ITPR2: variants seen among roughly 807,000 people sequenced by gnomAD.
The protein encoded by ITPR2 is inositol 1,4,5-trisphosphate-gated calcium channel ITPR2.
ITPR2 carries 207 observed loss-of-function variants against 317.1 expected under a neutral mutation model. The observed-to-expected ratio is 0.65, with a 90% CI of 0.58 to 0.73. The LOEUF (loss-of-function observed/expected upper bound fraction) is 0.73. Ranked by LOEUF, ITPR2 falls within the 30% of genes least tolerant of loss-of-function variation. The probability of loss-of-function intolerance (pLI) is 0.00; values close to 1 mark genes in which losing one functional copy is unlikely to be tolerated. For missense variants in ITPR2, 2,613 were observed against 3,284.0 expected, an observed-to-expected ratio of 0.80 and a Z score of 4.99; for synonymous variants, 1,156 against 1,149.1, an observed-to-expected ratio of 1.01 and a Z score of -0.12.
chr12:26,392,671 G>T (rs999722108), intron 54 of ITPR2, among the ~76,000 whole-genome samples: 1 of 152,316 alleles, frequency 6.6e-6, no homozygotes, highest in Admixed American at 6.5e-5. Flanking sequence ...AAACTTGAAC[G>T]GGCTTGATGT....
intron 34 of ITPR2, among the ~76,000 whole-genome samples, chr12:26,567,604 T>C (rs984964537): frequency 6.6e-6 from 1 of 152,094 alleles, no homozygotes; most frequent in South Asian, 2.1e-4. Context: ...AAAAAGATTT[T>C]TTGAGTCAAA....
chr12:26,486,001 C>A, intron 41 of ITPR2, 103 bp downstream of exon 41: 2 of 1,263,266 alleles, frequency 1.6e-6, no homozygotes, highest in Non-Finnish European at 2.2e-6. Flanking sequence ...TATTGATTAT[C>A]TTTCTAAAAT....
chr12:26,369,143 T>G (rs747985017), intron 55 of ITPR2, among the ~76,000 whole-genome samples: 63 of 152,148 alleles, frequency 4.1e-4, no homozygotes, highest in Non-Finnish European at 7.8e-4. Context: ...CTGGAGCCTA[T>G]GAATGGGAGG....
At chr12:26,353,958 C>T (rs1415006367) in intron 55 of ITPR2, among the ~76,000 whole-genome samples, 2 of 152,106 alleles carry the variant, frequency 1.3e-5, no homozygotes, top group African/African-American at 4.8e-5. Context: ...AATGCAACAA[C>T]AAAAATGCAA....
chr12:26,496,956 AAG>A (rs1942946753), intron 37 of ITPR2, among the ~76,000 whole-genome samples: 1 of 151,360 alleles, frequency 6.6e-6, no homozygotes, highest in Non-Finnish European at 1.5e-5. Flanking sequence ...AAAAAAAAAA[AAG>A]AAGATCACAC....
chr12:26,514,410 T>C (rs1004521399), intron 37 of ITPR2, among the ~76,000 whole-genome samples: 2 of 152,246 alleles, frequency 1.3e-5, no homozygotes, highest in African/African-American at 4.8e-5. Context: ...AAGAAATCCA[T>C]ACAAAAAGAT....
chr12:26,504,572 T>C (rs370219665), intron 37 of ITPR2, among the ~76,000 whole-genome samples: 4 of 152,110 alleles, frequency 2.6e-5, no homozygotes, highest in Non-Finnish European at 5.9e-5. Context: ...ACCCAATAAA[T>C]TGACAAAAAT....
At chr12:26,373,851 G>A (rs1939259178) in intron 55 of ITPR2, 1 of 152,192 alleles carries the variant, frequency 6.6e-6, no homozygotes, top group African/African-American at 2.4e-5. Context: ...TTCACTTGAA[G>A]GAGCCCAAAA....
At chr12:26,768,198 A>T (rs1949758251) in intron 2 of ITPR2, among the ~76,000 whole-genome samples, 1 of 147,896 alleles carries the variant, frequency 6.8e-6, no homozygotes, top group Non-Finnish European at 1.5e-5. Flanking sequence ...TATGTAACAA[A>T]CCTGCATATT....
intron 13 of ITPR2, among the ~76,000 whole-genome samples, chr12:26,677,136 TAGAGA>T (rs1348813952): frequency 6.6e-6 from 1 of 152,022 alleles, no homozygotes; most frequent in Non-Finnish European, 1.5e-5. Context: ...TCTAAATCAG[TAGAGA>T]AAACAGTAAA....
intron 55 of ITPR2, among the ~76,000 whole-genome samples, chr12:26,340,941 T>C (rs1938091286): frequency 6.6e-6 from 1 of 152,142 alleles, no homozygotes; most frequent in Non-Finnish European, 1.5e-5. Context: ...CACAGGGCAA[T>C]AGCTGGTTCC....
At chr12:26,623,489 G>A (rs1042159591) in intron 24 of ITPR2, 2 of 152,136 alleles carry the variant, frequency 1.3e-5, no homozygotes, top group Non-Finnish European at 2.9e-5. Flanking sequence ...TATTAGTTAT[G>A]TTGTTAATCT....
intron 13 of ITPR2, among the ~76,000 whole-genome samples, chr12:26,678,934 A>G (rs1407214317): frequency 2.0e-5 from 3 of 152,232 alleles, no homozygotes; most frequent in Non-Finnish European, 2.9e-5. Context: ...TCTTCAAGGA[A>G]TATCTTAATG....
Position 26,487,148 on chromosome 12 carries a change from A to T in ITPR2, c.5474T>A (p.Val1825Glu). The T allele has an allele frequency of 6.2e-7, 1 of 1,613,190 alleles. No individual in the cohort carries two copies. Among genetic ancestry groups the T allele is most frequent in the Non-Finnish European group, 8.5e-7 (1 of 1,179,392 alleles). Reference sequence around the variant, plus strand: ...ACCTAAATCTATGGTATTAACTGTCACTGTTGATCTTATTTCTTTCTGAGC... The same window carrying T: ...ACCTAAATCTATGGTATTAACTGTCTCTGTTGATCTTATTTCTTTCTGAGC... ...KAAQKEIRST[V>E]TVNTIDLGNK... is the part of the protein sequence containing the mutation. Residue 1825 changes from valine (V) to glutamate (E), a missense_variant, in exon 40 of 57, where the codon GTG becomes GAG. Physicochemically the swap from Val to Glu is moderately radical, Grantham distance 121. Around this residue, in one of 9 missense-constraint regions of ITPR2, gnomAD observed 926 missense variants for 1,072.8 expected, o/e 0.86. Coordinates refer to ENST00000381340, the MANE Select transcript of ITPR2 (RefSeq NM_002223.4).
intron 1 of ITPR2, among the ~76,000 whole-genome samples, chr12:26,830,198 C>A (rs957590896): frequency 3.9e-5 from 6 of 152,246 alleles, no homozygotes; most frequent in Admixed American, 2.6e-4. Context: ...GCCACTGTGC[C>A]CAGCCCAATG....
chr12:26,737,937 A>G (rs1221302240), intron 2 of ITPR2, among the ~76,000 whole-genome samples: 1 of 152,184 alleles, frequency 6.6e-6, no homozygotes, highest in Non-Finnish European at 1.5e-5. Flanking sequence ...ATACTCCCAG[A>G]TTAAAATAAG....
intron 52 of ITPR2, among the ~76,000 whole-genome samples, chr12:26,410,127 T>C: frequency 6.6e-6 from 1 of 152,136 alleles, no homozygotes; most frequent in East Asian, 1.9e-4. Flanking sequence ...ACTGTTATAG[T>C]ATGTGAGGAA....
At chr12:26,412,790 A>G (rs1940592157) in intron 51 of ITPR2, among the ~76,000 whole-genome samples, 1 of 152,132 alleles carries the variant, frequency 6.6e-6, no homozygotes, top group Non-Finnish European at 1.5e-5. Flanking sequence ...AATTTGTCTG[A>G]CAAAAGGCGC....
chr12:26,785,828 T>TG (rs1218339265), intron 2 of ITPR2, among the ~76,000 whole-genome samples: 2 of 39,022 alleles, frequency 5.1e-5, no homozygotes, highest in African/African-American at 7.7e-5. Context: ...GGGAGGGAGG[T>TG]GGGGGGGTCA....
Sources: gnomAD v4.1 joint callset for allele counts (sites outside exome capture counted in the v4.1 genomes callset) on GRCh38, gnomAD v4.1.1 for gene constraint, gnomAD v4.1.1 regional missense constraint, MANE v1.5 for transcripts, NCBI Gene and HGNC (gene_info 2026-07-23, HGNC 2026-07-21) for gene names.